The following PDE1C variants were observed in gnomAD, a reference collection of about 807,000 sequenced individuals.
PDE1C encodes dual specificity calcium/calmodulin-dependent 3',5'-cyclic nucleotide phosphodiesterase 1C.
A neutral mutation model predicts 93.1 loss-of-function variants in PDE1C; 62 were observed. That is an observed-to-expected ratio of 0.67 (90% CI 0.54 to 0.82). The LOEUF (loss-of-function observed/expected upper bound fraction) is 0.82, where lower values mean the gene tolerates loss of function less well. Ranked by LOEUF, PDE1C falls within the 40% of genes least tolerant of loss-of-function variation. The probability of loss-of-function intolerance (pLI) is 0.00; values close to 1 mark genes in which losing one functional copy is unlikely to be tolerated. For missense variants in PDE1C, 742 were observed against 884.6 expected, an observed-to-expected ratio of 0.84 and a Z score of 2.04; for synonymous variants, 325 against 310.1, an observed-to-expected ratio of 1.05 and a Z score of -0.50.
intron 2 of PDE1C, among the ~76,000 whole-genome samples, chr7:32,026,227 C>T (rs1789418413): frequency 6.6e-6 from 1 of 152,072 alleles, no homozygotes; most frequent in South Asian, 2.1e-4. Flanking sequence ...TCAGCATTCC[C>T]ACTTCTTTGG....
chr7:32,366,927 G>C (rs1784240261), intron 1 of PDE1C, among the ~76,000 whole-genome samples: 1 of 151,934 alleles, frequency 6.6e-6, no homozygotes, highest in African/African-American at 2.4e-5. Flanking sequence ...TACTTGGGAG[G>C]CTGAGGCAGG....
At chr7:32,333,607 C>T (rs529840105) in intron 1 of PDE1C, among the ~76,000 whole-genome samples, 10 of 152,286 alleles carry the variant, frequency 6.6e-5, no homozygotes, top group South Asian at 4.1e-4. Flanking sequence ...AAAAAACACA[C>T]GCTTTAACCC....
chr7:31,691,371 G>A, the PDE1C span, among the ~76,000 whole-genome samples: 1 of 152,162 alleles, frequency 6.6e-6, no homozygotes, highest in African/African-American at 2.4e-5. Context: ...AATCTCAAAA[G>A]AAAAGAATTG....
the PDE1C span, among the ~76,000 whole-genome samples, chr7:31,659,073 A>G: frequency 6.6e-6 from 1 of 152,178 alleles, no homozygotes; most frequent in Non-Finnish European, 1.5e-5. Context: ...AACTGAAAGT[A>G]TTTGGGGATA....
intron 1 of PDE1C, among the ~76,000 whole-genome samples, chr7:32,418,570 A>C (rs1785323061): frequency 6.6e-6 from 1 of 152,180 alleles, no homozygotes; most frequent in African/African-American, 2.4e-5. Flanking sequence ...CAATAATCAG[A>C]TATGGGAAGA....
rs991769697 is a variant in PDE1C at position 32,049,952 on chromosome 7, A to G, written c.128+1602T>C. On this transcript the variant is annotated intron_variant, in intron 2 of 17. Coordinates refer to ENST00000396191, the MANE Select transcript of PDE1C (RefSeq NM_001191057.4). ...TCATTAAGTGTACTTACACAAACCT[A>G]GATGGTATAGCCTACTACATGCCTA... 6.6e-5 allele frequency among the ~76,000 whole-genome samples: 10 copies of G among 152,326 alleles called. No homozygotes were observed. In the East Asian group the frequency reaches 1.9e-3, roughly 29 times the overall value.
At chr7:32,310,329 T>C (rs1009988797) in intron 1 of PDE1C, among the ~76,000 whole-genome samples, 1 of 152,038 alleles carries the variant, frequency 6.6e-6, no homozygotes, top group Non-Finnish European at 1.5e-5. Flanking sequence ...ACTGTCAACA[T>C]TAGACCGATC....
At chr7:31,880,526 C>G (rs146522753) in intron 3 of PDE1C, among the ~76,000 whole-genome samples, 1 of 151,970 alleles carries the variant, frequency 6.6e-6, no homozygotes, top group African/African-American at 2.4e-5. Context: ...CTTGTCATGG[C>G]GGCCATATGA....
the PDE1C span, among the ~76,000 whole-genome samples, chr7:31,650,134 G>A: frequency 6.6e-6 from 1 of 152,178 alleles, no homozygotes; most frequent in Admixed American, 6.5e-5. Flanking sequence ...TTTCAAAGGA[G>A]TGGCTCTCAG....
At chr7:32,341,612 C>T (rs183084178) in intron 1 of PDE1C, among the ~76,000 whole-genome samples, 2 of 152,182 alleles carry the variant, frequency 1.3e-5, no homozygotes, top group African/African-American at 2.4e-5. Flanking sequence ...TTTGGGAACT[C>T]GGGAGTGGGC....
At chr7:32,049,993 C>G (rs1181523520) in intron 2 of PDE1C, among the ~76,000 whole-genome samples, 1 of 152,162 alleles carries the variant, frequency 6.6e-6, no homozygotes, top group Non-Finnish European at 1.5e-5. Flanking sequence ...TTGGTATAGC[C>G]TATTGCTCCT....
intron 1 of PDE1C, among the ~76,000 whole-genome samples, chr7:32,216,524 C>T (rs1051642897): frequency 2.0e-5 from 3 of 152,082 alleles, no homozygotes; most frequent in Non-Finnish European, 2.9e-5. Context: ...CCATTCAGAA[C>T]GTGATGGAGC....
intron 3 of PDE1C, among the ~76,000 whole-genome samples, chr7:32,112,846 G>GTATATATATATATATATATATATATA (rs1203879712): frequency 3.4e-5 from 2 of 59,166 alleles, no homozygotes; most frequent in Admixed American, 1.8e-4. Context: ...GTGTGTGTGT[G>GTATATATATATATATATATATATATA]TATATATATA....
chr7:32,183,803 G>T (rs1282422957), intron 2 of PDE1C, among the ~76,000 whole-genome samples: 1 of 152,084 alleles, frequency 6.6e-6, no homozygotes, highest in Admixed American at 6.5e-5. Flanking sequence ...TGACAAATAG[G>T]ATCTAATTAA....
chr7:31,952,547 G>T (rs1807527767), intron 2 of PDE1C, among the ~76,000 whole-genome samples: 1 of 152,176 alleles, frequency 6.6e-6, no homozygotes, highest in South Asian at 2.1e-4. Flanking sequence ...ACTGCACCCA[G>T]TGAGAGTTAC....
intron 2 of PDE1C, among the ~76,000 whole-genome samples, chr7:31,965,875 G>A (rs1047005519): frequency 6.6e-6 from 1 of 152,268 alleles, no homozygotes; most frequent in South Asian, 2.1e-4. Flanking sequence ...ATAAGTGAAG[G>A]AGAAATAAAA....
At chr7:32,239,298 T>A (rs1001358935) in intron 1 of PDE1C, among the ~76,000 whole-genome samples, 6 of 152,032 alleles carry the variant, frequency 3.9e-5, no homozygotes, top group African/African-American at 1.4e-4. Context: ...GAGGCTGAGA[T>A]GAGAGGATTG....
chr7:32,014,484 T>C (rs1164362159), intron 2 of PDE1C, among the ~76,000 whole-genome samples: 1 of 152,180 alleles, frequency 6.6e-6, no homozygotes, highest in Non-Finnish European at 1.5e-5. Flanking sequence ...TTTTAAGTTC[T>C]GGGATACATG....
chr7:32,412,378 C>T (rs977250599), intron 1 of PDE1C, among the ~76,000 whole-genome samples: 6 of 151,280 alleles, frequency 4.0e-5, no homozygotes, highest in African/African-American at 1.2e-4. Context: ...ATCACTTGAA[C>T]CCAGGAGGCG....
Sources: gnomAD v4.1 joint callset for allele counts (sites outside exome capture counted in the v4.1 genomes callset) on GRCh38, gnomAD v4.1.1 for gene constraint, MANE v1.5 for transcripts, NCBI Gene and HGNC (gene_info 2026-07-23, HGNC 2026-07-21) for gene names.